DNAH17: variants seen among roughly 807,000 people sequenced by gnomAD.
DNAH17 encodes axonemal beta dynein heavy chain 17.
In DNAH17, 376 loss-of-function variants were observed where a neutral mutation model predicts 485.6. The observed-to-expected ratio is 0.77, with a 90% CI of 0.71 to 0.84. The LOEUF (loss-of-function observed/expected upper bound fraction) is 0.84, where lower values mean the gene tolerates loss of function less well. Among genes scored for constraint, DNAH17 ranks in the 40% least tolerant of loss-of-function variants. The pLI is 0.00. For missense variants in DNAH17, 6,370 were observed against 5,839.3 expected (o/e 1.09, Z -2.96); for synonymous variants, 3,031 against 2,405.9 (o/e 1.26, Z -7.60).
chr17:78,467,346 G>C (rs2088519659), intron 55 of DNAH17, among the ~76,000 whole-genome samples: 1 of 152,192 alleles, frequency 6.6e-6, no homozygotes, highest in Non-Finnish European at 1.5e-5. Flanking sequence ...CCCCTTTCGT[G>C]GCATAGGTGT....
Position 78,444,473 on chromosome 17 carries a change from G to A in DNAH17, c.11528+131C>T, listed in dbSNP as rs892984497. 3.4e-5 allele frequency: 29 copies of A among 851,564 alleles called. No homozygotes were observed. The African/African-American group carries it at 3.7e-4, about 11-fold the overall frequency. The allele number at this position is 851,564 out of a possible 1,614,324, so 52.8% of individuals were successfully genotyped here. On this transcript the variant is annotated intron_variant, in intron 71 of 80. Transcript: ENST00000389840. ...CCTCTAAGCCCTGTTTCGTTTCTGT[G>A]TAAAATGGGGAGAAGAAAAAAGTTC...
intron 25 of DNAH17, among the ~76,000 whole-genome samples, chr17:78,517,690 C>T (rs375230311): frequency 6.6e-6 from 1 of 152,216 alleles, no homozygotes; most frequent in Non-Finnish European, 1.5e-5. Context: ...TTCCTCAGGG[C>T]TGTCTTAGCA....
chr17:78,444,935 G>T (rs2087218152), intron 70 of DNAH17, 138 bp from the exon 71 acceptor site: 2 of 870,986 alleles, frequency 2.3e-6, no homozygotes, highest in South Asian at 2.1e-5. Flanking sequence ...AGCCCGAGAG[G>T]CTGGCCACCA....
chr17:78,523,399 C>T (rs534994820), intron 25 of DNAH17, among the ~76,000 whole-genome samples: 1 of 152,100 alleles, frequency 6.6e-6, no homozygotes, highest in Non-Finnish European at 1.5e-5. Context: ...GCTGGGATTA[C>T]AGGCGTGAGC....
intron 68 of DNAH17, 173 bp downstream of exon 68, chr17:78,450,081 G>T: frequency 1.4e-6 from 1 of 721,896 alleles, no homozygotes; most frequent in South Asian, 1.9e-5. Flanking sequence ...GTGTAGGACT[G>T]ATGGGGGCCC....
chr17:78,463,134 TGG>T, intron 56 of DNAH17, 57 bp from the exon 57 acceptor site: 4 of 1,542,352 alleles, frequency 2.6e-6, no homozygotes, highest in Non-Finnish European at 3.6e-6. Flanking sequence ...ATCAGCAAAG[TGG>T]GGCTCCCCAG....
chr17:78,490,059 G>A (rs1407869015), intron 44 of DNAH17: 2 of 152,204 alleles, frequency 1.3e-5, no homozygotes, highest in Admixed American at 6.5e-5. Flanking sequence ...ATATGCCTCT[G>A]GAATCAATAT....
intron 17 of DNAH17, among the ~76,000 whole-genome samples, chr17:78,542,581 C>G (rs552404169): frequency 6.6e-6 from 1 of 152,174 alleles, no homozygotes; most frequent in Non-Finnish European, 1.5e-5. Flanking sequence ...ATGAAAACCC[C>G]TACAATACAA....
intron 33 of DNAH17, chr17:78,502,304 C>A: frequency 5.7e-6 from 2 of 351,838 alleles, no homozygotes; most frequent in South Asian, 5.1e-5. Context: ...TATTTCTAAC[C>A]AAGGACATTT....
intron 58 of DNAH17, 65 bp from the exon 59 acceptor site, chr17:78,460,322 G>GTGCATGTGTGTGCATGTGTC (rs2088042296): frequency 1.6e-6 from 1 of 610,856 alleles, no homozygotes; most frequent in African/African-American, 4.5e-5. Flanking sequence ...GGGCGTGTAC[G>GTGCATGTGTGTGCATGTGTC]TGCATGTGTG....
At chr17:78,510,161 AAC>A (rs1849467230) in intron 27 of DNAH17, among the ~76,000 whole-genome samples, 1 of 152,228 alleles carries the variant, frequency 6.6e-6, no homozygotes, top group Non-Finnish European at 1.5e-5. Context: ...CAGCCTGGGC[AAC>A]AGAGAGAGAC....
rs555209823 is a variant in DNAH17, at chr17:78,450,566, G to A, written c.10899+116C>T. ...CCCTTCTCCTGCCCTGGGCCCACTCGGGCACGTATGACCGAAGCTGCTTTT... is the reference window on the plus strand; with the variant it reads ...CCCTTCTCCTGCCCTGGGCCCACTCAGGCACGTATGACCGAAGCTGCTTTT... On this transcript the variant is annotated intron_variant, in intron 67 of 80. Transcript: ENST00000389840. 7.7e-6 allele frequency: 11 copies of A among 1,436,882 alleles called. No individual in the cohort carries two copies. The South Asian group carries it at 8.0e-5, about 10-fold the overall frequency. 89.0% of individuals were successfully genotyped at this position (1,436,882 alleles called of 1,614,324 possible).
chr17:78,444,599 C>G lies in DNAH17; in HGVS notation c.11528+5G>C. ...GCGGGGCCCCCGGCGCGGCGGGACACTCACTTGATAGCGTAGGTCATGCGA... is the reference window on the plus strand; with the variant it reads ...GCGGGGCCCCCGGCGCGGCGGGACAGTCACTTGATAGCGTAGGTCATGCGA... On this transcript the variant is annotated splice_donor_5th_base_variant and intron_variant, in intron 71 of 80. Coordinates refer to ENST00000389840, the MANE Select transcript of DNAH17 (RefSeq NM_173628.4). The G allele has an allele frequency of 6.4e-7, 1 of 1,550,420 alleles. No homozygotes were observed. Among genetic ancestry groups the G allele is most frequent in the Non-Finnish European group, 8.7e-7 (1 of 1,149,140 alleles).
chr17:78,538,042 G>A (rs113866151), intron 18 of DNAH17, among the ~76,000 whole-genome samples: 14,564 of 151,120 alleles, frequency 0.096, 851 homozygotes, highest in South Asian at 0.18. Context: ...TCGGGAGGCT[G>A]AGGCAGGAAA....
chr17:78,504,301 A>G (rs572491408), intron 31 of DNAH17, among the ~76,000 whole-genome samples: 1 of 152,118 alleles, frequency 6.6e-6, no homozygotes, highest in South Asian at 2.1e-4. Flanking sequence ...CCGACCTCAG[A>G]TGATCCGCCC....
At chr17:78,476,089 C>CA (rs1473478074) in intron 52 of DNAH17, among the ~76,000 whole-genome samples, 1 of 152,146 alleles carries the variant, frequency 6.6e-6, no homozygotes. Flanking sequence ...ACCAAGAACA[C>CA]ACGGGACACA....
At chr17:78,566,445 A>C (rs1357726670) in intron 11 of DNAH17, among the ~76,000 whole-genome samples, 169 bp downstream of exon 11, 1 of 152,240 alleles carries the variant, frequency 6.6e-6, no homozygotes, top group Non-Finnish European at 1.5e-5. Flanking sequence ...CAGGAGCTAC[A>C]CTGGGTGTTC....
chr17:78,547,403 G>A (rs1195286883), intron 16 of DNAH17, among the ~76,000 whole-genome samples: 1 of 152,178 alleles, frequency 6.6e-6, no homozygotes, highest in Non-Finnish European at 1.5e-5. Context: ...AAGGCTGCCT[G>A]ATTTTTGTTT....
chr17:78,544,938 CTAA>C (rs925245108), intron 16 of DNAH17, among the ~76,000 whole-genome samples: 2 of 151,756 alleles, frequency 1.3e-5, no homozygotes, highest in African/African-American at 4.8e-5. Context: ...AACAAAACAC[CTAA>C]TAAGTTTTTT....
Sources: allele counts gnomAD v4.1 joint callset (sites outside exome capture counted in the v4.1 genomes callset), GRCh38; gene constraint gnomAD v4.1.1; transcripts MANE v1.5; gene names NCBI Gene and HGNC (gene_info 2026-07-23, HGNC 2026-07-21).